Variants in NTM observed in about 807,000 individuals in gnomAD.
NTM encodes the protein IgLON family member 2.
A neutral mutation model predicts 42.1 loss-of-function variants in NTM; 13 were observed. The ratio of observed to expected loss-of-function variants is 0.31; its 90% CI spans 0.20 to 0.49. The LOEUF (loss-of-function observed/expected upper bound fraction) is 0.49, where lower values mean the gene tolerates loss of function less well. Ranked by LOEUF, NTM falls within the 20% of genes least tolerant of loss-of-function variation. The pLI is 0.99. For missense variants in NTM, 373 were observed against 452.8 expected (o/e 0.82, Z 1.60); for synonymous variants, 187 against 179.2 (o/e 1.04, Z -0.35).
chr11:132,118,370 C>A lies in NTM; in HGVS notation c.168-27912C>A, dbSNP rs149340729. On this transcript the variant is annotated intron_variant, in intron 2 of 8. Transcript: ENST00000683400. ...TATGGTAATCAACAATTTGAGAGGG[C>A]TGAGCATGGATTGAGGCTGAGAAAA... Among the ~76,000 whole-genome samples, 33 of 152,288 alleles carry A rather than the reference C, an allele frequency of 2.2e-4. No homozygotes were observed. In the East Asian group the frequency reaches 5.2e-3, roughly 24 times the overall value.
chr11:131,861,853 A>C (rs1164865678), intron 1 of NTM, among the ~76,000 whole-genome samples: 1 of 152,160 alleles, frequency 6.6e-6, no homozygotes, highest in Non-Finnish European at 1.5e-5. Flanking sequence ...ACTAGTGAAC[A>C]CTAGGTAGGC....
At chr11:132,005,363 T>C (rs1296592794) in intron 2 of NTM, among the ~76,000 whole-genome samples, 1 of 152,214 alleles carries the variant, frequency 6.6e-6, no homozygotes, top group Non-Finnish European at 1.5e-5. Context: ...TTCCTTATTC[T>C]GTGGACATTG....
chr11:132,087,357 C>A (rs774003310), intron 2 of NTM, among the ~76,000 whole-genome samples: 13 of 152,196 alleles, frequency 8.5e-5, no homozygotes, highest in Non-Finnish European at 1.8e-4. Context: ...AAACAGGAGG[C>A]TTGGCTTAAT....
intron 2 of NTM, among the ~76,000 whole-genome samples, chr11:132,097,475 G>A (rs1248920764): frequency 2.6e-5 from 4 of 152,192 alleles, no homozygotes; most frequent in Non-Finnish European, 5.9e-5. Context: ...AATGTCACTT[G>A]TCCGTCCTGT....
chr11:131,924,983 T>A (rs1232701668), intron 2 of NTM, among the ~76,000 whole-genome samples: 1 of 152,230 alleles, frequency 6.6e-6, no homozygotes, highest in Non-Finnish European at 1.5e-5. Context: ...GTGAGAACCA[T>A]GGCCTTTTCA....
At chr11:131,576,110 C>T (rs2057908108) in intron 1 of NTM, among the ~76,000 whole-genome samples, 1 of 152,146 alleles carries the variant, frequency 6.6e-6, no homozygotes, top group Non-Finnish European at 1.5e-5. Flanking sequence ...ATGATTTGTG[C>T]TCCCTTCCTT....
chr11:131,562,029 T>C (rs11604434), intron 1 of NTM, among the ~76,000 whole-genome samples: 23,195 of 152,232 alleles, frequency 0.15, 2,167 homozygotes, highest in Non-Finnish European at 0.21. Flanking sequence ...GTTATTACTA[T>C]TTTTTATTTT....
intron 2 of NTM, among the ~76,000 whole-genome samples, chr11:131,935,835 G>A (rs951285180): frequency 2.0e-5 from 3 of 152,194 alleles, no homozygotes; most frequent in African/African-American, 4.8e-5. Context: ...CAAAGAACAA[G>A]AACAGGCAGA....
Position 131,639,324 on chromosome 11 carries a change from T to C in NTM, c.82+268436T>C, listed in dbSNP as rs182155822. 1.3e-3 allele frequency among the ~76,000 whole-genome samples: 205 copies of C among 152,392 alleles called. 2 individuals carry two copies. Among genetic ancestry groups the C allele is most frequent in the African/African-American group, 4.7e-3 (196 of 41,592 alleles). The stretch of plus-strand genomic sequence containing the variant: ...GGTTTGGGGATTTACTAAGAAGTTG[T>C]TGACTGTGCCTTCCTCTCTTTGCTG... On this transcript the variant is annotated intron_variant, in intron 1 of 8. Coordinates refer to ENST00000683400, the MANE Select transcript of NTM (RefSeq NM_001352005.2).
rs111860187 is a variant in NTM, at chr11:131,784,837, T to C, written c.83-126727T>C. On this transcript the variant is annotated intron_variant, in intron 1 of 8. Transcript: ENST00000683400. ...TATCTTTTTAGCTTTTTCCATATTTTATAAATTCTTTCTCCAAATACCTGT... is the reference window on the plus strand; with the variant it reads ...TATCTTTTTAGCTTTTTCCATATTTCATAAATTCTTTCTCCAAATACCTGT... 3.5e-3 allele frequency among the ~76,000 whole-genome samples: 526 copies of C among 152,354 alleles called. 5 individuals are homozygous for C. Among genetic ancestry groups the C allele is most frequent in the African/African-American group, 0.012 (513 of 41,592 alleles).
intron 1 of NTM, among the ~76,000 whole-genome samples, chr11:131,812,545 G>A (rs1324264638): frequency 6.6e-6 from 1 of 152,074 alleles, no homozygotes; most frequent in Non-Finnish European, 1.5e-5. Context: ...CATTGTGCTA[G>A]GGACTGGGGC....
chr11:131,547,221 C>T (rs2054062291), intron 1 of NTM, among the ~76,000 whole-genome samples: 1 of 152,182 alleles, frequency 6.6e-6, no homozygotes, highest in Admixed American at 6.5e-5. Flanking sequence ...AGCTGACCCA[C>T]AAGTCAGTGA....
At chr11:132,309,456 G>A (rs539662694) in intron 5 of NTM, among the ~76,000 whole-genome samples, 6 of 152,306 alleles carry the variant, frequency 3.9e-5, no homozygotes, top group African/African-American at 1.4e-4. Flanking sequence ...AACCTGGTGT[G>A]CAGAAATTCT....
intron 1 of NTM, among the ~76,000 whole-genome samples, chr11:131,376,219 G>T (rs1941954712): frequency 6.6e-6 from 1 of 152,098 alleles, no homozygotes; most frequent in Non-Finnish European, 1.5e-5. Context: ...AGGTTCTCTG[G>T]GATCCTATTA....
intron 1 of NTM, among the ~76,000 whole-genome samples, chr11:131,690,525 C>G (rs374939935): frequency 1.3e-5 from 2 of 152,364 alleles, no homozygotes; most frequent in South Asian, 4.1e-4. Context: ...CCCAAGCACC[C>G]AGGGGACTCC....
At position 131,442,675 on chromosome 11, in the gene NTM, T is replaced by A. The variant is rs376483979; in HGVS notation, c.82+71787T>A. Among the ~76,000 whole-genome samples, 139 of 152,330 alleles carry A rather than the reference T, an allele frequency of 9.1e-4. 1 individual carries two copies. Among genetic ancestry groups the A allele is most frequent in the African/African-American group, 3.1e-3 (130 of 41,572 alleles). On this transcript the variant is annotated intron_variant, in intron 1 of 8. Transcript: ENST00000683400. ...CTTATAAGTGAGAACATGCAGCATT[T>A]GACTTTCTGTTTCCGAGTTATTTCA...
intron 1 of NTM, among the ~76,000 whole-genome samples, chr11:131,421,211 C>T (rs1947482995): frequency 6.6e-6 from 1 of 152,230 alleles, no homozygotes; most frequent in South Asian, 2.1e-4. Context: ...GCCTCCTCCC[C>T]TGGAGCCTAG....
rs539936176 is a variant in NTM at position 132,225,222 on chromosome 11, A to G, written c.526+13075A>G. 3.3e-5 allele frequency among the ~76,000 whole-genome samples: 5 copies of G among 152,280 alleles called. No homozygotes were observed. In the East Asian group the frequency reaches 5.8e-4, roughly 18 times the overall value. On this transcript the variant is annotated intron_variant, in intron 4 of 8. Coordinates refer to ENST00000683400, the MANE Select transcript of NTM (RefSeq NM_001352005.2). ...GCATGGTGAATTCAGCCTTTGCCTC[A>G]TCGGGCTGCAGTATGGGAGTGTAGG...
intron 1 of NTM, among the ~76,000 whole-genome samples, chr11:131,842,040 T>C (rs755110317): frequency 1.3e-5 from 2 of 152,198 alleles, no homozygotes; most frequent in Non-Finnish European, 2.9e-5. Context: ...GTATGGATCA[T>C]ACAAAACCGG....
Sources: allele counts gnomAD v4.1 joint callset (sites outside exome capture counted in the v4.1 genomes callset), GRCh38; gene constraint gnomAD v4.1.1; transcripts MANE v1.5; gene names NCBI Gene and HGNC (gene_info 2026-07-23, HGNC 2026-07-21).